PHLPP1: variants seen among roughly 807,000 people sequenced by gnomAD.
The protein encoded by PHLPP1 is PH domain leucine-rich repeat-containing protein phosphatase 1.
PHLPP1 carries 42 observed loss-of-function variants against 117.2 expected under a neutral mutation model. That is an observed-to-expected ratio of 0.36 (90% confidence interval 0.28 to 0.46). PHLPP1 has a LOEUF of 0.46. Ranked by LOEUF, PHLPP1 falls within the 20% of genes least tolerant of loss-of-function variation. The pLI is 1.00. For missense variants in PHLPP1, 2,084 were observed against 2,241.9 expected, an observed-to-expected ratio of 0.93 and a Z score of 1.42; for synonymous variants, 1,042 against 970.7, an observed-to-expected ratio of 1.07 and a Z score of -1.37.
At chr18:62,897,100 A>G (rs1317887055) in intron 6 of PHLPP1, among the ~76,000 whole-genome samples, 1 of 152,096 alleles carries the variant, frequency 6.6e-6, no homozygotes, top group Non-Finnish European at 1.5e-5. Context: ...TTTGAGCCCT[A>G]TTTTATTCAT....
chr18:62,742,220 C>T (rs1911549844), intron 1 of PHLPP1, among the ~76,000 whole-genome samples: 2 of 152,064 alleles, frequency 1.3e-5, no homozygotes, highest in Non-Finnish European at 2.9e-5. Flanking sequence ...ATAAAAGTAA[C>T]GCGGTCTTTT....
At chr18:62,954,527 A>G (rs1295869912) in intron 12 of PHLPP1, among the ~76,000 whole-genome samples, 2 of 152,220 alleles carry the variant, frequency 1.3e-5, no homozygotes, top group Non-Finnish European at 2.9e-5. Context: ...TTGAAAGAAC[A>G]TGACAGAGTG....
intron 3 of PHLPP1, among the ~76,000 whole-genome samples, chr18:62,851,541 A>G (rs950183706): frequency 2.0e-5 from 3 of 151,986 alleles, no homozygotes; most frequent in Non-Finnish European, 2.9e-5. Flanking sequence ...GCTCACTGCA[A>G]CCTCCGCCTC....
At chr18:62,789,881 CA>C (rs1172769558) in intron 1 of PHLPP1, among the ~76,000 whole-genome samples, 2 of 152,090 alleles carry the variant, frequency 1.3e-5, no homozygotes, top group Non-Finnish European at 2.9e-5. Flanking sequence ...ATGCTTTTCA[CA>C]GTAACACATT....
intron 1 of PHLPP1, among the ~76,000 whole-genome samples, chr18:62,798,755 G>A (rs1346250216): frequency 6.6e-6 from 1 of 151,898 alleles, no homozygotes; most frequent in Admixed American, 6.6e-5. Context: ...TGTCTGGGTG[G>A]TCACTGTGTC....
intron 1 of PHLPP1, among the ~76,000 whole-genome samples, chr18:62,816,833 A>G (rs964712065): frequency 5.3e-5 from 8 of 152,220 alleles, no homozygotes; most frequent in Non-Finnish European, 1.0e-4. Flanking sequence ...TATATTAAAT[A>G]AGACATCATT....
chr18:62,852,117 TG>T (rs1915369828), intron 3 of PHLPP1, among the ~76,000 whole-genome samples: 1 of 151,850 alleles, frequency 6.6e-6, no homozygotes, highest in Non-Finnish European at 1.5e-5. Context: ...TGGACTCAAG[TG>T]GTCCTCCCGC....
At chr18:62,771,261 C>T (rs1043101143) in intron 1 of PHLPP1, among the ~76,000 whole-genome samples, 1 of 151,724 alleles carries the variant, frequency 6.6e-6, no homozygotes, top group Non-Finnish European at 1.5e-5. Flanking sequence ...CTCAGCCATC[C>T]ATGTGGATCA....
intron 14 of PHLPP1, among the ~76,000 whole-genome samples, chr18:62,971,013 G>T (rs1356892348): frequency 6.6e-6 from 1 of 152,100 alleles, no homozygotes; most frequent in Non-Finnish European, 1.5e-5. Flanking sequence ...AGAAATCTAG[G>T]TTGTTTTCTA....
chr18:62,733,869 C>T (rs1020632027), intron 1 of PHLPP1, among the ~76,000 whole-genome samples: 5 of 152,122 alleles, frequency 3.3e-5, no homozygotes, highest in African/African-American at 9.7e-5. Flanking sequence ...CAGATACAGT[C>T]GACCGAGTTT....
chr18:62,937,428 C>G (rs972137671), intron 10 of PHLPP1, among the ~76,000 whole-genome samples: 3 of 152,198 alleles, frequency 2.0e-5, no homozygotes, highest in African/African-American at 7.2e-5. Context: ...ACGTGGTCTT[C>G]ACATTACATG....
At chr18:62,771,794 C>T (rs1413062605) in intron 1 of PHLPP1, among the ~76,000 whole-genome samples, 1 of 152,186 alleles carries the variant, frequency 6.6e-6, no homozygotes, top group East Asian at 1.9e-4. Context: ...ATACCTTCTT[C>T]TGTTAAGAAT....
chr18:62,835,776 CTTT>C (rs747058557), intron 2 of PHLPP1, among the ~76,000 whole-genome samples: 1,206 of 94,480 alleles, frequency 0.013, 7 homozygotes, highest in African/African-American at 0.048. Context: ...TCAACTGGTT[CTTT>C]TTTTTTTTTT....
rs1331995928 is a variant in PHLPP1 at position 62,963,461 on chromosome 18, G to A, written c.3549G>A (p.Gly1183=). Residue 1183 remains glycine (G), a synonymous_variant, in exon 14 of 17, where the codon GGG becomes GGA. Coordinates refer to ENST00000262719, the MANE Select transcript of PHLPP1 (RefSeq NM_194449.4). ...VWSHGYTEAS[G]VKNKLCVAAL... The stretch of plus-strand genomic sequence containing the variant: ...GTCATGGTTACACTGAAGCTTCGGG[G>A]GTAAAAAACAAGTAAGTCAGATGAA... 7 of 1,609,120 alleles carry A rather than the reference G, an allele frequency of 4.4e-6. No homozygotes were observed. The highest frequency in any genetic ancestry group is 1.6e-4 in the Middle Eastern group (1 of 6,076).
chr18:62,787,149 C>G (rs981868761), intron 1 of PHLPP1, among the ~76,000 whole-genome samples: 1 of 151,960 alleles, frequency 6.6e-6, no homozygotes, highest in African/African-American at 2.4e-5. Context: ...ACTCAGGATG[C>G]CTTTTTTTTC....
intron 2 of PHLPP1, 100 bp downstream of exon 2, chr18:62,830,331 C>A (rs970653209): frequency 1.3e-5 from 12 of 931,916 alleles, no homozygotes; most frequent in South Asian, 1.7e-5. Context: ...ACCTCTGCCT[C>A]CTGAGTTCAA....
intron 6 of PHLPP1, among the ~76,000 whole-genome samples, chr18:62,897,317 T>G (rs950617528): frequency 1.3e-5 from 2 of 152,174 alleles, no homozygotes; most frequent in African/African-American, 4.8e-5. Flanking sequence ...AGATTCATAG[T>G]TCTAACTTGA....
At chr18:62,856,854 G>C (rs1276337801) in intron 3 of PHLPP1, among the ~76,000 whole-genome samples, 1 of 151,900 alleles carries the variant, frequency 6.6e-6, no homozygotes, top group Non-Finnish European at 1.5e-5. Flanking sequence ...GGTCTTTTCA[G>C]TGGGCACCAC....
intron 15 of PHLPP1, among the ~76,000 whole-genome samples, chr18:62,972,960 AC>A (rs564508094): frequency 1.3e-5 from 2 of 152,264 alleles, no homozygotes; most frequent in East Asian, 3.9e-4. Flanking sequence ...TGAGAACTGG[AC>A]CTCACTGGCC....
Sources: allele counts gnomAD v4.1 joint callset (sites outside exome capture counted in the v4.1 genomes callset), GRCh38; gene constraint gnomAD v4.1.1; transcripts MANE v1.5; gene names NCBI Gene and HGNC (gene_info 2026-07-23, HGNC 2026-07-21).